The following UCHL5 variants were observed in gnomAD, a reference collection of about 807,000 sequenced individuals.
The protein encoded by UCHL5 is ubiquitin carboxyl-terminal hydrolase isozyme L5.
Under a neutral mutation model 53.8 loss-of-function variants are expected in UCHL5, and 34 were observed. That is an observed-to-expected ratio of 0.63 (90% CI 0.48 to 0.84). The LOEUF (loss-of-function observed/expected upper bound fraction) is 0.84. Among genes scored for constraint, UCHL5 ranks in the 40% least tolerant of loss-of-function variants. The pLI is 0.00. For synonymous variants in UCHL5, 111 were observed against 126.3 expected (o/e 0.88, Z 0.81); for missense variants, 290 against 385.6 (o/e 0.75, Z 2.08).
intron 3 of UCHL5, among the ~76,000 whole-genome samples, chr1:193,047,200 G>C (rs558284308): frequency 3.9e-5 from 6 of 152,212 alleles, no homozygotes; most frequent in Non-Finnish European, 7.4e-5. Flanking sequence ...TGCCTCTCTT[G>C]TTAACCATTA....
Position 193,013,489 on chromosome 1 carries a change from C to A in UCHL5, c.*2862G>T, listed in dbSNP as rs1022782950. 2.0e-5 allele frequency: 3 copies of A among 152,056 alleles called. No homozygotes were observed. Among genetic ancestry groups the A allele is most frequent in the Admixed American group, 6.6e-5 (1 of 15,252 alleles). The allele number at this position is 152,056 out of a possible 1,614,324, so 9.4% of individuals were successfully genotyped here. ...ATGGGGAGGGCAAGCAAGACTAACACACAAAAACATATGTGTACACATGAG... is the reference window on the plus strand; with the variant it reads ...ATGGGGAGGGCAAGCAAGACTAACAAACAAAAACATATGTGTACACATGAG... On this transcript the variant is annotated 3_prime_UTR_variant, in exon 11 of 11. Coordinates refer to ENST00000367454, the MANE Select transcript of UCHL5 (RefSeq NM_001199261.3).
At chr1:193,059,898 G>A (rs1289082927), upstream of UCHL5, 2 of 1,365,662 alleles carry the variant, frequency 1.5e-6, no homozygotes, top group South Asian at 1.1e-5. The surrounding 1 kb of genome is among the most constrained non-coding windows in gnomAD (Gnocchi z 4.9). Context: ...CAAACGCCGC[G>A]AAACTATCGC....
rs762555827 is a variant in UCHL5 at position 193,059,312 on chromosome 1, G to A, written c.-52C>T. Reference sequence around the variant, plus strand: ...CACCTCTCGCTCTCAGCTGCCCCCCGCACCAGCTGCCGCCGGCCACAGATC... The same window carrying A: ...CACCTCTCGCTCTCAGCTGCCCCCCACACCAGCTGCCGCCGGCCACAGATC... On this transcript the variant is annotated 5_prime_UTR_variant, in exon 1 of 11. Transcript: ENST00000367454. This position sits in a 1 kb window ranked among gnomAD's most constrained non-coding sequence, Gnocchi z 4.9. 1.9e-6 allele frequency: 3 copies of A among 1,607,982 alleles called. No individual in the cohort carries two copies. Among genetic ancestry groups the A allele is most frequent in the East Asian group, 2.2e-5 (1 of 44,746 alleles).
chr1:193,054,221 C>G (rs1402456637), intron 1 of UCHL5, among the ~76,000 whole-genome samples: 1 of 152,166 alleles, frequency 6.6e-6, no homozygotes, highest in Non-Finnish European at 1.5e-5. Flanking sequence ...AAATAACTGT[C>G]TTAAAAATCA....
upstream of UCHL5, chr1:193,059,679 C>G (rs758305862): frequency 7.3e-7 from 1 of 1,366,382 alleles, no homozygotes; most frequent in African/African-American, 1.5e-5. The surrounding 1 kb of genome is among the most constrained non-coding windows in gnomAD (Gnocchi z 4.9). Context: ...CTGTGGCTGT[C>G]GCTGCCCGTC....
chr1:193,052,420 G>A (rs977542374), intron 1 of UCHL5, among the ~76,000 whole-genome samples: 1 of 152,136 alleles, frequency 6.6e-6, no homozygotes, highest in Non-Finnish European at 1.5e-5. Flanking sequence ...GACGGTAGGG[G>A]AGAGGCTACT....
chr1:193,032,718 A>G (rs754177273), intron 3 of UCHL5, among the ~76,000 whole-genome samples: 4 of 152,252 alleles, frequency 2.6e-5, no homozygotes, highest in Non-Finnish European at 4.4e-5. Context: ...TGGGCAAAGG[A>G]TATGAACAGA....
chr1:193,025,274 C>A (rs1658744986), intron 7 of UCHL5, among the ~76,000 whole-genome samples: 2 of 152,190 alleles, frequency 1.3e-5, no homozygotes, highest in Admixed American at 1.3e-4. Flanking sequence ...TGTGACCTCA[C>A]CCCTACTCAA....
chr1:193,032,710 G>A (rs777966192), intron 3 of UCHL5, among the ~76,000 whole-genome samples: 5 of 152,154 alleles, frequency 3.3e-5, no homozygotes, highest in African/African-American at 7.2e-5. Context: ...TCAGAAAGTG[G>A]GCAAAGGATA....
intron 3 of UCHL5, among the ~76,000 whole-genome samples, chr1:193,043,173 A>AAAAAAAAC (rs1666258089): frequency 1.4e-5 from 2 of 146,432 alleles, no homozygotes; most frequent in Non-Finnish European, 3.0e-5. Context: ...AAAAAAAAAA[A>AAAAAAAAC]AAACCACCTA....
chr1:193,028,264 T>A, intron 6 of UCHL5, 116 bp from the exon 7 acceptor site: 2 of 803,950 alleles, frequency 2.5e-6, no homozygotes, highest in Non-Finnish European at 3.7e-6. Flanking sequence ...TTTAGAGCAG[T>A]AAAACTCTTT....
chr1:193,052,829 G>A (rs932665998), intron 1 of UCHL5, among the ~76,000 whole-genome samples: 11 of 152,182 alleles, frequency 7.2e-5, no homozygotes, highest in African/African-American at 2.4e-4. Context: ...TCTACATAAA[G>A]TGCAGCTAGT....
chr1:193,039,092 T>C (rs1003439953), intron 3 of UCHL5, among the ~76,000 whole-genome samples: 6 of 152,112 alleles, frequency 3.9e-5, no homozygotes, highest in Non-Finnish European at 7.4e-5. Flanking sequence ...AAATCCTATT[T>C]AAAAGAGCTA....
chr1:193,048,137 C>T (rs1571870224), intron 3 of UCHL5, among the ~76,000 whole-genome samples: 1 of 152,134 alleles, frequency 6.6e-6, no homozygotes, highest in African/African-American at 2.4e-5. Flanking sequence ...TCCCTTGGAA[C>T]ATCATTTTTG....
intron 8 of UCHL5, among the ~76,000 whole-genome samples, chr1:193,023,580 C>T (rs543089556): frequency 2.0e-5 from 3 of 152,250 alleles, no homozygotes; most frequent in Admixed American, 6.5e-5. Context: ...CATAATACTT[C>T]ATTTACTCCT....
chr1:193,059,567 C>T (rs770202512), upstream of UCHL5: 35 of 1,510,738 alleles, frequency 2.3e-5, no homozygotes, highest in Non-Finnish European at 3.0e-5. The surrounding 1 kb of genome is among the most constrained non-coding windows in gnomAD (Gnocchi z 4.9). Context: ...CATCCGGGAT[C>T]CTCGCCCCTC....
chr1:193,037,546 C>T (rs796345790), intron 3 of UCHL5, among the ~76,000 whole-genome samples: 8 of 152,146 alleles, frequency 5.3e-5, no homozygotes, highest in African/African-American at 1.9e-4. Context: ...TTCTACTCAA[C>T]ATTTAAAGAA....
At chr1:193,052,740 T>C (rs1669453544) in intron 1 of UCHL5, among the ~76,000 whole-genome samples, 1 of 152,162 alleles carries the variant, frequency 6.6e-6, no homozygotes, top group Non-Finnish European at 1.5e-5. Context: ...TCAGCACACT[T>C]TAAGGGTCCA....
intron 3 of UCHL5, among the ~76,000 whole-genome samples, chr1:193,049,365 G>A (rs1047346528): frequency 5.9e-5 from 9 of 152,118 alleles, no homozygotes; most frequent in South Asian, 2.1e-4. Context: ...AATGAGCCTC[G>A]CACCATTGCA....
Sources: allele counts gnomAD v4.1 joint callset (sites outside exome capture counted in the v4.1 genomes callset), GRCh38; gene constraint gnomAD v4.1.1; non-coding constraint Gnocchi (gnomAD v3.1); transcripts MANE v1.5; gene names NCBI Gene and HGNC (gene_info 2026-07-23, HGNC 2026-07-21).